The following OTOF variants were observed in gnomAD, a reference collection of about 807,000 sequenced individuals.
OTOF encodes the protein fer-1-like family member 2.
OTOF carries 218 observed loss-of-function variants against 236.8 expected under a neutral mutation model. The observed-to-expected ratio is 0.92, with a 90% CI of 0.82 to 1.03. The LOEUF (loss-of-function observed/expected upper bound fraction) is 1.03. Among genes scored for constraint, OTOF ranks in the 50% least tolerant of loss-of-function variants. OTOF has a pLI of 0.00. For synonymous variants in OTOF, 1,041 were observed against 1,072.5 expected (o/e 0.97, Z 0.57); for missense variants, 2,590 against 2,694.4 (o/e 0.96, Z 0.86).
chr2:26,557,627 TC>T (rs1440014282), intron 1 of OTOF, among the ~76,000 whole-genome samples: 1 of 152,036 alleles, frequency 6.6e-6, no homozygotes, highest in African/African-American at 2.4e-5. Context: ...GCACACTGTT[TC>T]CTCTGCCTCC....
At chr2:26,483,079 G>T in intron 13 of OTOF, among the ~76,000 whole-genome samples, 1 of 151,032 alleles carries the variant, frequency 6.6e-6, no homozygotes, top group African/African-American at 2.4e-5. Flanking sequence ...GTGCGTGTGT[G>T]AATGGGTGCA....
chr2:26,537,788 G>A lies in OTOF; in HGVS notation c.80-14C>T. 1 of 1,547,762 alleles carries A rather than the reference G, an allele frequency of 6.5e-7. No individual in the cohort carries two copies. Among genetic ancestry groups the A allele is most frequent in the South Asian group, 1.2e-5 (1 of 84,004 alleles). ...AGAAGGATTGCCCTGTGGGGAAAGA[G>A]GAAATAAATTCTAGGGTCAGAGCTG... On this transcript the variant is annotated splice_polypyrimidine_tract_variant and intron_variant, in intron 1 of 46. Transcript: ENST00000272371.
intron 39 of OTOF, 132 bp from the exon 40 acceptor site, chr2:26,464,238 G>A: frequency 8.7e-7 from 1 of 1,155,784 alleles, no homozygotes; most frequent in Middle Eastern, 2.8e-4. Context: ...TTTCACTGTT[G>A]GGGAAACTGA....
intron 2 of OTOF, among the ~76,000 whole-genome samples, chr2:26,530,073 C>T (rs933070202): frequency 1.3e-5 from 2 of 149,550 alleles, no homozygotes; most frequent in African/African-American, 4.9e-5. Context: ...AGTCGGGGGG[C>T]CGCAGGAGCC....
chr2:26,461,857 C>G lies in OTOF; in HGVS notation c.5372G>C (p.Trp1791Ser). The G allele has an allele frequency of 6.2e-7, 1 of 1,614,190 alleles. No homozygotes were observed. Among genetic ancestry groups the G allele is most frequent in the Non-Finnish European group, 8.5e-7 (1 of 1,180,032 alleles). Residue 1791 changes from tryptophan to serine, a missense_variant, in exon 43 of 47, where the codon TGG (tryptophan) becomes TCG (serine). Transcript: ENST00000272371. This position sits in a 1 kb window ranked among gnomAD's most constrained non-coding sequence, Gnocchi z 6.2. ...GTAGTCGAAGGGGAACAGGTAGCGC[C>G]AGTTGAAGTTGCCCTCGCCAGTGAG... ...HSLTGEGNFN[W>S]RYLFPFDYLA...
In OTOF at chr2:26,462,388, T is replaced by C. The variant is rs1572402200; in HGVS notation, c.5193-207A>G. 6.9e-6 allele frequency among the ~76,000 whole-genome samples: 1 copy of C among 143,994 alleles called. No homozygotes were observed. The highest frequency in any genetic ancestry group is 2.4e-4 in the South Asian group (1 of 4,218). The allele number at this position is 143,994 out of a possible 152,430, so 94.5% of individuals were successfully genotyped here. A position where few individuals can be genotyped will look rare whatever the true frequency, so the allele number is the denominator to read the frequency against. ...CCACCAGGCACATGGCTGTGGGCGG[T>C]GGGGGTGGGGTGAGGGGAGGAAGCC... On this transcript the variant is annotated intron_variant, in intron 41 of 46. Transcript: ENST00000272371. This position sits in a 1 kb window ranked among gnomAD's most constrained non-coding sequence, Gnocchi z 4.7.
At chr2:26,521,389 G>T (rs893129300) in intron 3 of OTOF, among the ~76,000 whole-genome samples, 4 of 152,196 alleles carry the variant, frequency 2.6e-5, no homozygotes, top group African/African-American at 9.7e-5. Flanking sequence ...CTCCCAGGGG[G>T]CAGGGTGGAG....
At chr2:26,478,096 C>A in intron 18 of OTOF, 1 of 1,336,368 alleles carries the variant, frequency 7.5e-7, no homozygotes, top group Admixed American at 3.0e-5. Flanking sequence ...ACTGGATGTG[C>A]CAAGATCCTG....
intron 14 of OTOF, among the ~76,000 whole-genome samples, 157 bp downstream of exon 14, chr2:26,482,248 TC>T (rs1665558421): frequency 6.6e-6 from 1 of 151,690 alleles, no homozygotes; most frequent in South Asian, 2.1e-4. Flanking sequence ...ATCCTCACCC[TC>T]CCCCTGAGGC....
intron 2 of OTOF, among the ~76,000 whole-genome samples, chr2:26,529,186 G>A (rs1666881194): frequency 6.6e-6 from 1 of 152,210 alleles, no homozygotes; most frequent in African/African-American, 2.4e-5. Context: ...GGAGTAGGAA[G>A]CCCTTCTGGA....
In OTOF at chr2:26,467,225, G is replaced by A; in HGVS notation, c.4236C>T (p.Pro1412=). The change falls in exon 35 of 47, where the codon CCC becomes CCT. Residue 1412 remains proline (P), a synonymous_variant. Transcript: ENST00000272371. ...TATCAAACTCGGACTCCAGCTCTTT[G>A]GGGTATACCTGAGACAGACCAGGCT... ...KPKIDELKVY[P]KELESEFDNF... The A allele has an allele frequency of 1.9e-6, 3 of 1,614,140 alleles. No homozygotes were observed. The highest frequency in any genetic ancestry group is 2.5e-6 in the Non-Finnish European group (3 of 1,180,026).
At chr2:26,514,472 T>A (rs556862888) in intron 5 of OTOF, among the ~76,000 whole-genome samples, 2 of 152,302 alleles carry the variant, frequency 1.3e-5, no homozygotes, top group African/African-American at 4.8e-5. Context: ...AGAGCCCCCA[T>A]CAGCACCCTG....
At chr2:26,485,402 C>T (rs543751697) in intron 11 of OTOF, among the ~76,000 whole-genome samples, 43 of 152,332 alleles carry the variant, frequency 2.8e-4, no homozygotes, top group African/African-American at 1.0e-3. Flanking sequence ...TCCCATCTCA[C>T]TGTGCTGATC....
At chr2:26,551,068 C>T (rs1395719241) in intron 1 of OTOF, among the ~76,000 whole-genome samples, 1 of 152,186 alleles carries the variant, frequency 6.6e-6, no homozygotes, top group Non-Finnish European at 1.5e-5. Context: ...CGGCTCACTG[C>T]AGCCTCTGCC....
intron 22 of OTOF, 34 bp downstream of exon 22, chr2:26,476,857 C>T: frequency 6.3e-7 from 1 of 1,598,062 alleles, no homozygotes; most frequent in East Asian, 2.2e-5. Flanking sequence ...CCTGAAAGGA[C>T]CCAGGCCCCC....
At chr2:26,495,818 C>G (rs2148072885) in intron 8 of OTOF, among the ~76,000 whole-genome samples, 1 of 152,356 alleles carries the variant, frequency 6.6e-6, no homozygotes, top group East Asian at 1.9e-4. Context: ...AGCTGCCAAA[C>G]CCATGTCACA....
intron 5 of OTOF, among the ~76,000 whole-genome samples, chr2:26,506,233 C>T (rs1487581226): frequency 6.6e-6 from 1 of 152,254 alleles, no homozygotes; most frequent in South Asian, 2.1e-4. Flanking sequence ...TCAACTATGT[C>T]TCTCCTGAAT....
At chr2:26,550,316 G>A (rs1278414772) in intron 1 of OTOF, among the ~76,000 whole-genome samples, 1 of 152,120 alleles carries the variant, frequency 6.6e-6, no homozygotes, top group East Asian at 1.9e-4. Flanking sequence ...AACTGTCACC[G>A]AGAGAAATGG....
intron 39 of OTOF, 68 bp from the exon 40 acceptor site, chr2:26,464,174 G>A (rs982245134): frequency 1.9e-6 from 3 of 1,586,574 alleles, no homozygotes; most frequent in Admixed American, 3.3e-5. Flanking sequence ...CTGGGACTAG[G>A]GACTTAGGAG....
Sources: allele counts gnomAD v4.1 joint callset (sites outside exome capture counted in the v4.1 genomes callset), GRCh38; gene constraint gnomAD v4.1.1; non-coding constraint Gnocchi (gnomAD v3.1); transcripts MANE v1.5; gene names NCBI Gene and HGNC (gene_info 2026-07-23, HGNC 2026-07-21).